The following NAV3 variants were observed in gnomAD, a reference collection of about 807,000 sequenced individuals.
The protein encoded by NAV3 is pore membrane and/or filament interacting like protein 1.
NAV3 carries 87 observed loss-of-function variants against 244.7 expected under a neutral mutation model. The ratio of observed to expected loss-of-function variants is 0.36; its 90% CI spans 0.30 to 0.42. NAV3 has a LOEUF of 0.42. Ranked by LOEUF, NAV3 falls within the 20% of genes least tolerant of loss-of-function variation. NAV3 has a pLI of 1.00. For missense variants in NAV3, 2,663 were observed against 2,893.3 expected (o/e 0.92, Z 1.83); for synonymous variants, 1,126 against 1,042.2 (o/e 1.08, Z -1.55).
In NAV3 at chr12:77,831,407, A is replaced by G. The variant is rs1357885670; in HGVS notation, c.-55A>G. On this transcript the variant is annotated 5_prime_UTR_variant, in exon 1 of 40. Coordinates refer to ENST00000397909, the MANE Select transcript of NAV3 (RefSeq NM_001024383.2). ...GGAAATACTAAAGTTGGAGTCTACC[A>G]GACTGAGGTTAGAAGCATTTTCTTT... 2.0e-6 allele frequency: 3 copies of G among 1,524,122 alleles called. No individual in the cohort carries two copies. The highest frequency in any genetic ancestry group is 1.8e-6 in the Non-Finnish European group (2 of 1,138,820). 94.4% of individuals were successfully genotyped at this position (1,524,122 alleles called of 1,614,324 possible). A position where few individuals can be genotyped will look rare whatever the true frequency, so the allele number is the denominator to read the frequency against.
At chr12:77,889,025 A>G (rs1200202271) in intron 1 of NAV3, among the ~76,000 whole-genome samples, 1 of 152,158 alleles carries the variant, frequency 6.6e-6, no homozygotes, top group Non-Finnish European at 1.5e-5. Context: ...GCCCAGCATG[A>G]TGGTTAGCAT....
Position 78,185,608 on chromosome 12 carries a change from G to C in NAV3, c.5700G>C (p.Leu1900Phe), listed in dbSNP as rs762193038. ...NITEAVSSDI[L>F]LDDAGDATGH... ...TCTTTTAAAATTTGATAGATATTTTGCTAGATGATGCTGGTGATGCAACTG... is the reference window on the plus strand; with the variant it reads ...TCTTTTAAAATTTGATAGATATTTTCCTAGATGATGCTGGTGATGCAACTG... The change falls in exon 31 of 40, where the codon TTG becomes TTC. Residue 1900 changes from leucine to phenylalanine, a missense_variant. Leu to Phe is a conservative substitution (Grantham distance 22, BLOSUM62 0). Coordinates refer to ENST00000397909, the MANE Select transcript of NAV3 (RefSeq NM_001024383.2). The C allele has an allele frequency of 1.2e-6, 2 of 1,607,564 alleles. No individual in the cohort carries two copies. Among genetic ancestry groups the C allele is most frequent in the Non-Finnish European group, 1.7e-6 (2 of 1,176,848 alleles).
intron 2 of NAV3, among the ~76,000 whole-genome samples, chr12:77,698,106 C>T (rs1055648992): frequency 2.0e-5 from 3 of 151,884 alleles, no homozygotes; most frequent in Non-Finnish European, 2.9e-5. Context: ...TATCTAAAGG[C>T]GATAGAGAAG....
chr12:78,103,373 T>C (rs1037882375), intron 12 of NAV3, among the ~76,000 whole-genome samples: 2 of 152,134 alleles, frequency 1.3e-5, no homozygotes, highest in Admixed American at 1.3e-4. Context: ...GTCCTTATTG[T>C]TTATATCACT....
intron 2 of NAV3, among the ~76,000 whole-genome samples, chr12:77,732,010 G>C (rs546702556): frequency 7.9e-4 from 120 of 151,976 alleles, no homozygotes; most frequent in Non-Finnish European, 1.5e-3. Context: ...CGAGTCGGTA[G>C]AAAGGAAGAG....
At chr12:77,750,275 C>T (rs141398440) in intron 2 of NAV3, among the ~76,000 whole-genome samples, 178 of 152,256 alleles carry the variant, frequency 1.2e-3, no homozygotes, top group African/African-American at 4.1e-3. Context: ...ATCTTTTGAA[C>T]CTGGGAGGCA....
chr12:77,998,356 G>A lies in NAV3; in HGVS notation c.760G>A (p.Val254Met). 8 of 1,593,080 alleles carry A rather than the reference G, an allele frequency of 5.0e-6. No homozygotes were observed. The highest frequency in any genetic ancestry group is 6.8e-6 in the Non-Finnish European group (8 of 1,170,816). ...KPTRLPGPSR[V>M]PAAGSSSKVQ... The stretch of plus-strand genomic sequence containing the variant: ...TTTCAGGCTTCCAGGGCCCTCTAGG[G>A]TGCCTGCTGCAGGAAGCAGCAGCAA... Residue 254 changes from valine to methionine, a missense_variant, in exon 7 of 40, where the codon GTG becomes ATG. By Grantham distance (21) the Val-to-Met change is conservative. This residue lies in a region of NAV3 where 1,521 missense variants were observed against 1,497.0 expected (regional missense o/e 1.02). Coordinates refer to ENST00000397909, the MANE Select transcript of NAV3 (RefSeq NM_001024383.2).
intron 1 of NAV3, among the ~76,000 whole-genome samples, chr12:77,875,157 G>C (rs1881665014): frequency 6.6e-6 from 1 of 151,928 alleles, no homozygotes; most frequent in Admixed American, 6.6e-5. Context: ...ATATTTTTGA[G>C]AAAGTCCTTT....
rs953400700 is a variant in NAV3 at position 77,586,124 on chromosome 12, T to C, written c.72+13858T>C. On this transcript the variant is annotated intron_variant, in intron 2 of 8. Transcript: ENST00000550042. The stretch of plus-strand genomic sequence containing the variant: ...TTGCAGTGAGCCGAGATCGCGCCAC[T>C]GCACTCCAGCCTGGGCGACGGAGCG... 2.6e-5 allele frequency among the ~76,000 whole-genome samples: 4 copies of C among 151,756 alleles called. No individual in the cohort carries two copies. In the East Asian group the frequency reaches 7.8e-4, roughly 30 times the overall value.
rs1592975377 is a variant in NAV3 at position 77,911,220 on chromosome 12, T to G, written c.244-29099T>G. ...CTCCAGGTAAAAAGTGATCAAATGCTTCTGGACTTTTTGATAAAAGGCAGC... is the reference window on the plus strand; with the variant it reads ...CTCCAGGTAAAAAGTGATCAAATGCGTCTGGACTTTTTGATAAAAGGCAGC... On this transcript the variant is annotated intron_variant, in intron 1 of 39. Transcript: ENST00000397909. Among the ~76,000 whole-genome samples, 6 of 152,208 alleles carry G rather than the reference T, an allele frequency of 3.9e-5. No homozygotes were observed. The South Asian group carries it at 1.0e-3, about 26-fold the overall frequency.
At chr12:78,022,972 G>C (rs982049813) in intron 9 of NAV3, among the ~76,000 whole-genome samples, 15 of 152,136 alleles carry the variant, frequency 9.9e-5, no homozygotes, top group African/African-American at 3.1e-4. Context: ...CACAGATATA[G>C]GGCTAATAAT....
chr12:77,648,537 G>A (rs1417558042), intron 2 of NAV3, among the ~76,000 whole-genome samples: 1 of 152,104 alleles, frequency 6.6e-6, no homozygotes, highest in East Asian at 1.9e-4. Flanking sequence ...GATTATTCAA[G>A]TATTTCTGCT....
chr12:77,789,695 AG>A (rs1448440923), intron 2 of NAV3, among the ~76,000 whole-genome samples: 1 of 151,918 alleles, frequency 6.6e-6, no homozygotes, highest in Admixed American at 6.6e-5. Flanking sequence ...CTGTAATCTC[AG>A]CTACTTGGGA....
intron 2 of NAV3, among the ~76,000 whole-genome samples, chr12:77,635,834 T>A (rs1214579520): frequency 6.6e-6 from 1 of 152,064 alleles, no homozygotes; most frequent in Non-Finnish European, 1.5e-5. Context: ...GATGAGAAAA[T>A]TAAAGCTCTG....
intron 1 of NAV3, among the ~76,000 whole-genome samples, chr12:77,898,424 G>T (rs763447640): frequency 1.9e-4 from 29 of 152,098 alleles, no homozygotes; most frequent in Non-Finnish European, 3.8e-4. Flanking sequence ...TTGAAATAAG[G>T]TATTGAACAT....
rs546049083 is a variant in NAV3, at chr12:77,712,769, CT to C, written c.72+140504del. ...AGATAGCAATCATTGCCTCAGAGTT[CT>C]GTAAACCAGATTTTGTGTAGAAACA... On this transcript the variant is annotated intron_variant, in intron 2 of 8. Coordinates refer to the NAV3 transcript ENST00000550042. Among the ~76,000 whole-genome samples the C allele has an allele frequency of 5.3e-5, 8 of 152,304 alleles. No individual in the cohort carries two copies. In the South Asian group the frequency reaches 1.5e-3, roughly 28 times the overall value.
chr12:78,053,233 A>G (rs995060834), intron 11 of NAV3, among the ~76,000 whole-genome samples: 1 of 150,032 alleles, frequency 6.7e-6, no homozygotes. Context: ...ATATATATAT[A>G]ATATATATAT....
intron 1 of NAV3, among the ~76,000 whole-genome samples, chr12:77,931,230 TTTAAA>T (rs1403675417): frequency 6.6e-6 from 1 of 152,182 alleles, no homozygotes; most frequent in Non-Finnish European, 1.5e-5. Context: ...GCCTTTCAGC[TTTAAA>T]AAGTCAATCA....
At chr12:77,764,583 A>G (rs950084769) in intron 2 of NAV3, among the ~76,000 whole-genome samples, 3 of 152,242 alleles carry the variant, frequency 2.0e-5, no homozygotes, top group Admixed American at 2.0e-4. Flanking sequence ...TTTGAAGAGG[A>G]AATTAATTTT....
Sources: allele counts gnomAD v4.1 joint callset (sites outside exome capture counted in the v4.1 genomes callset), GRCh38; gene constraint gnomAD v4.1.1; regional missense constraint gnomAD v4.1.1; transcripts MANE v1.5; gene names NCBI Gene and HGNC (gene_info 2026-07-23, HGNC 2026-07-21).